The following ASTN2 variants were observed in gnomAD, a reference collection of about 807,000 sequenced individuals.
ASTN2 encodes the protein astrotactin-2.
A neutral mutation model predicts 139.8 loss-of-function variants in ASTN2; 54 were observed. The observed-to-expected ratio is 0.39, with a 90% confidence interval of 0.31 to 0.48. ASTN2 has a LOEUF of 0.48. ASTN2 is among the 20% of genes least tolerant of loss of function. The probability of loss-of-function intolerance (pLI) is 0.95; values close to 1 mark genes in which losing one functional copy is unlikely to be tolerated. For missense variants in ASTN2, 1,565 were observed against 1,725.1 expected, an observed-to-expected ratio of 0.91 and a Z score of 1.64; for synonymous variants, 756 against 719.5, an observed-to-expected ratio of 1.05 and a Z score of -0.81.
chr9:117,221,459 C>T (rs1832514965), intron 2 of ASTN2, among the ~76,000 whole-genome samples: 1 of 152,192 alleles, frequency 6.6e-6, no homozygotes, highest in Non-Finnish European at 1.5e-5. Context: ...CATTCAGAAA[C>T]TGATTATTTC....
intron 19 of ASTN2, among the ~76,000 whole-genome samples, chr9:116,571,221 T>C (rs1310886578): frequency 6.6e-6 from 1 of 152,198 alleles, no homozygotes; most frequent in Non-Finnish European, 1.5e-5. Context: ...GCTCCTACTG[T>C]AGCCATCAAG....
chr9:116,926,923 A>G (rs1371700353), intron 10 of ASTN2, among the ~76,000 whole-genome samples: 1 of 152,242 alleles, frequency 6.6e-6, no homozygotes, highest in African/African-American at 2.4e-5. Context: ...GAGATTATTT[A>G]GAAATAGAAA....
At chr9:116,950,925 AT>A (rs1321651768) in intron 10 of ASTN2, among the ~76,000 whole-genome samples, 4 of 152,148 alleles carry the variant, frequency 2.6e-5, no homozygotes, top group African/African-American at 7.2e-5. Flanking sequence ...TGTTTCCTTT[AT>A]GTTAAAGATG....
intron 1 of ASTN2, among the ~76,000 whole-genome samples, chr9:117,334,555 C>G (rs1828816366): frequency 1.3e-5 from 2 of 151,724 alleles, no homozygotes; most frequent in Non-Finnish European, 2.9e-5. Flanking sequence ...CCTTCATCTC[C>G]CAGCATTCTG....
chr9:116,458,912 A>G (rs896628258), intron 20 of ASTN2, among the ~76,000 whole-genome samples: 1 of 152,142 alleles, frequency 6.6e-6, no homozygotes, highest in African/African-American at 2.4e-5. Context: ...GCTGCTCCTA[A>G]AATTCACATG....
chr9:116,857,379 G>A (rs779538990), intron 11 of ASTN2, among the ~76,000 whole-genome samples: 12 of 152,120 alleles, frequency 7.9e-5, no homozygotes, highest in Non-Finnish European at 1.8e-4. Flanking sequence ...TTCACACAGA[G>A]AAACAAAGTG....
intron 19 of ASTN2, chr9:116,612,334 A>G (rs945513561): frequency 3.3e-5 from 5 of 152,168 alleles, no homozygotes; most frequent in Non-Finnish European, 7.3e-5. Context: ...GTTAACAAGG[A>G]TATCCAGGAA....
chr9:116,960,709 C>A (rs1296318740), intron 10 of ASTN2, among the ~76,000 whole-genome samples: 3 of 151,994 alleles, frequency 2.0e-5, no homozygotes, highest in Non-Finnish European at 1.5e-5. Context: ...GGGACAAAAT[C>A]CCCCTCTTTA....
At chr9:116,589,418 T>G (rs147761490) in intron 19 of ASTN2, among the ~76,000 whole-genome samples, 26 of 152,332 alleles carry the variant, frequency 1.7e-4, no homozygotes, top group Non-Finnish European at 3.2e-4. Context: ...GAACTAACCT[T>G]TCTCCCTTTG....
chr9:116,940,259 T>C (rs1835187249), intron 10 of ASTN2, among the ~76,000 whole-genome samples: 1 of 152,222 alleles, frequency 6.6e-6, no homozygotes, highest in Admixed American at 6.5e-5. Flanking sequence ...TTTATTGTTA[T>C]TTGAGAGTGT....
rs922990750 is a variant in ASTN2, at chr9:117,307,862, A to G, written c.443-16349T>C. Among the ~76,000 whole-genome samples the G allele has an allele frequency of 4.6e-5, 7 of 152,168 alleles. No individual in the cohort carries two copies. The East Asian group carries it at 1.3e-3, about 29-fold the overall frequency. ...CCTAGAGGCCACGTTTTGCACTCAA[A>G]CAGAAAGACCAAATCCTCTCCTGCG... On this transcript the variant is annotated intron_variant, in intron 1 of 22. Coordinates refer to ENST00000313400, the MANE Select transcript of ASTN2 (RefSeq NM_001365068.1).
At chr9:117,368,726 G>A (rs1829912594) in intron 1 of ASTN2, among the ~76,000 whole-genome samples, 1 of 152,248 alleles carries the variant, frequency 6.6e-6, no homozygotes, top group South Asian at 2.1e-4. Flanking sequence ...TAGAAGAACT[G>A]ATCTGAAAAA....
intron 19 of ASTN2, among the ~76,000 whole-genome samples, chr9:116,595,593 G>T (rs542707695): frequency 2.0e-4 from 30 of 152,078 alleles, no homozygotes; most frequent in African/African-American, 6.5e-4. Flanking sequence ...CCAAAGTGCT[G>T]GGATTATAGG....
chr9:116,646,624 T>TA (rs1857602133), intron 17 of ASTN2, among the ~76,000 whole-genome samples: 1 of 152,182 alleles, frequency 6.6e-6, no homozygotes, highest in Non-Finnish European at 1.5e-5. Context: ...TGGAAATGTC[T>TA]AAGGCACTCC....
At chr9:117,189,189 G>A (rs1831284220) in intron 3 of ASTN2, among the ~76,000 whole-genome samples, 1 of 152,142 alleles carries the variant, frequency 6.6e-6, no homozygotes, top group South Asian at 2.1e-4. Flanking sequence ...CAGGAGATAG[G>A]ATCAGGAGAA....
chr9:116,873,654 C>T (rs1271566132), intron 10 of ASTN2, among the ~76,000 whole-genome samples: 1 of 152,036 alleles, frequency 6.6e-6, no homozygotes, highest in African/African-American at 2.4e-5. Context: ...GCTGTGTGTC[C>T]CCACCCAAAT....
chr9:116,590,542 G>C (rs1440355113), intron 19 of ASTN2, among the ~76,000 whole-genome samples: 1 of 152,182 alleles, frequency 6.6e-6, no homozygotes, highest in Non-Finnish European at 1.5e-5. Context: ...GCAGGTTGAC[G>C]GCAGCAGGAG....
At chr9:117,389,245 T>C (rs944215031) in intron 1 of ASTN2, among the ~76,000 whole-genome samples, 1 of 152,284 alleles carries the variant, frequency 6.6e-6, no homozygotes, top group South Asian at 2.1e-4. Flanking sequence ...TCTTTAAGCC[T>C]ATTGACTAGA....
chr9:116,655,746 A>C (rs1458528348), intron 16 of ASTN2, among the ~76,000 whole-genome samples: 1 of 152,122 alleles, frequency 6.6e-6, no homozygotes, highest in Admixed American at 6.6e-5. Flanking sequence ...GGTTGAAGTC[A>C]GTGGCACAAT....
Sources: gnomAD v4.1 joint callset for allele counts (sites outside exome capture counted in the v4.1 genomes callset) on GRCh38, gnomAD v4.1.1 for gene constraint, MANE v1.5 for transcripts, NCBI Gene and HGNC (gene_info 2026-07-23, HGNC 2026-07-21) for gene names.